Variants in SDK1 observed in about 807,000 individuals in gnomAD.
The protein encoded by SDK1 is protein sidekick-1.
Under a neutral mutation model 245.5 loss-of-function variants are expected in SDK1, and 157 were observed. The ratio of observed to expected loss-of-function variants is 0.64; its 90% confidence interval spans 0.56 to 0.73. The LOEUF (loss-of-function observed/expected upper bound fraction) is 0.73, where lower values mean the gene tolerates loss of function less well. Ranked by LOEUF, SDK1 falls within the 30% of genes least tolerant of loss-of-function variation. The probability of loss-of-function intolerance (pLI) is 0.00; values close to 1 mark genes in which losing one functional copy is unlikely to be tolerated. For missense variants in SDK1, 3,583 were observed against 3,002.3 expected (o/e 1.19, Z -4.52); for synonymous variants, 1,647 against 1,278.5 (o/e 1.29, Z -6.15).
At chr7:3,894,063 C>T (rs1276603952) in intron 5 of SDK1, among the ~76,000 whole-genome samples, 2 of 152,154 alleles carry the variant, frequency 1.3e-5, no homozygotes, top group Admixed American at 6.5e-5. Flanking sequence ...TCCCGAGATT[C>T]CCCATTCTAA....
At chr7:3,952,299 C>G (rs1780898431) in intron 7 of SDK1, among the ~76,000 whole-genome samples, 1 of 152,178 alleles carries the variant, frequency 6.6e-6, no homozygotes, top group Non-Finnish European at 1.5e-5. Flanking sequence ...TTATTGCTGT[C>G]CAGGCATGGT....
chr7:3,609,661 A>G (rs978716121), intron 1 of SDK1, among the ~76,000 whole-genome samples: 1 of 151,862 alleles, frequency 6.6e-6, no homozygotes, highest in Admixed American at 6.6e-5. Flanking sequence ...CAGCCTCCCA[A>G]AGTGCTGGGA....
At chr7:3,456,967 G>T (rs1157108161) in intron 1 of SDK1, among the ~76,000 whole-genome samples, 1 of 152,140 alleles carries the variant, frequency 6.6e-6, no homozygotes, top group Non-Finnish European at 1.5e-5. Flanking sequence ...ATCTGCTGCC[G>T]ATAGGACTCC....
At chr7:3,779,373 C>T (rs935853397) in intron 4 of SDK1, among the ~76,000 whole-genome samples, 7 of 151,754 alleles carry the variant, frequency 4.6e-5, no homozygotes, top group Admixed American at 3.3e-4. Context: ...AGAATGACAA[C>T]GTATTCTGAG....
At chr7:3,699,267 G>A (rs936730833) in intron 4 of SDK1, among the ~76,000 whole-genome samples, 1 of 152,106 alleles carries the variant, frequency 6.6e-6, no homozygotes, top group Non-Finnish European at 1.5e-5. Context: ...CTTGAATGAG[G>A]AAAGACAAGA....
At chr7:3,880,750 C>T (rs1468842641) in intron 5 of SDK1, among the ~76,000 whole-genome samples, 1 of 152,032 alleles carries the variant, frequency 6.6e-6, no homozygotes, top group Non-Finnish European at 1.5e-5. Context: ...AAAGACAAAC[C>T]AGACGGGCTG....
intron 19 of SDK1, among the ~76,000 whole-genome samples, chr7:4,059,992 G>A (rs1481391197): frequency 6.6e-6 from 1 of 151,152 alleles, no homozygotes; most frequent in Non-Finnish European, 1.5e-5. Context: ...CCATTGTCCT[G>A]CTTCAGCCTC....
chr7:4,053,056 C>G (rs562963178), intron 19 of SDK1, among the ~76,000 whole-genome samples: 1 of 144,100 alleles, frequency 6.9e-6, no homozygotes, highest in East Asian at 2.0e-4. Flanking sequence ...CACTGCACTC[C>G]AGCCTGGGTG....
intron 4 of SDK1, among the ~76,000 whole-genome samples, chr7:3,794,987 C>T (rs947622881): frequency 6.6e-6 from 1 of 151,956 alleles, no homozygotes; most frequent in Non-Finnish European, 1.5e-5. Context: ...GTATTAAGGA[C>T]GAACTCTGTG....
At chr7:3,646,914 G>C (rs1361924723) in intron 4 of SDK1, among the ~76,000 whole-genome samples, 1 of 152,186 alleles carries the variant, frequency 6.6e-6, no homozygotes, top group Non-Finnish European at 1.5e-5. Flanking sequence ...AATTCATAGA[G>C]ACAGAAAGCA....
At chr7:3,668,972 G>C (rs757774985) in intron 4 of SDK1, among the ~76,000 whole-genome samples, 13 of 152,170 alleles carry the variant, frequency 8.5e-5, no homozygotes, top group South Asian at 2.1e-4. Flanking sequence ...AGCATGTCTG[G>C]TAAGGAATGT....
chr7:3,642,960 A>G lies in SDK1; in HGVS notation c.713+855A>G, dbSNP rs143397550. 5.9e-5 allele frequency: 9 copies of G among 152,342 alleles called. No homozygotes were observed. The East Asian group carries it at 1.7e-3, about 29-fold the overall frequency. The allele number at this position is 152,342 out of a possible 1,614,324, so 9.4% of individuals were successfully genotyped here. On this transcript the variant is annotated intron_variant, in intron 4 of 44. Coordinates refer to ENST00000404826, the MANE Select transcript of SDK1 (RefSeq NM_152744.4). Reference sequence around the variant, plus strand: ...CAAATACTATTGTTGTGCTTTTTCAAAAAGAATATGTGTGAGGTCATTTGC... The same window carrying G: ...CAAATACTATTGTTGTGCTTTTTCAGAAAGAATATGTGTGAGGTCATTTGC...
chr7:3,580,953 G>T (rs569109021), intron 1 of SDK1, among the ~76,000 whole-genome samples: 2 of 118,876 alleles, frequency 1.7e-5, no homozygotes, highest in Non-Finnish European at 3.2e-5. Context: ...TAGGTTATAG[G>T]GCAAGACTCC....
chr7:4,247,974 C>T (rs1418902194), intron 44 of SDK1, among the ~76,000 whole-genome samples: 1 of 152,160 alleles, frequency 6.6e-6, no homozygotes, highest in Non-Finnish European at 1.5e-5. Flanking sequence ...AGGATTGGAT[C>T]TGTGAACTCT....
intron 4 of SDK1, among the ~76,000 whole-genome samples, chr7:3,788,602 T>A (rs755518365): frequency 1.3e-5 from 2 of 152,150 alleles, no homozygotes; most frequent in African/African-American, 4.8e-5. Flanking sequence ...CTGGGCCACG[T>A]TGGAAAAAGA....
At chr7:3,951,055 G>C in intron 6 of SDK1, 21 bp downstream of exon 6, 3 of 1,504,114 alleles carry the variant, frequency 2.0e-6, no homozygotes, top group Non-Finnish European at 2.8e-6. Flanking sequence ...CGTCTCCTGT[G>C]AGACTCCTAG....
intron 1 of SDK1, among the ~76,000 whole-genome samples, chr7:3,501,508 A>G (rs1317645068): frequency 1.3e-5 from 2 of 152,128 alleles, no homozygotes; most frequent in African/African-American, 4.8e-5. Flanking sequence ...ATGACCCAGG[A>G]GCATGTTTTT....
intron 30 of SDK1, 95 bp from the exon 31 acceptor site, chr7:4,158,353 G>A (rs1425635600): frequency 2.7e-5 from 26 of 959,466 alleles, no homozygotes; most frequent in Non-Finnish European, 3.7e-5. Flanking sequence ...GGGCAGGGGA[G>A]GGATTTGCCC....
intron 5 of SDK1, among the ~76,000 whole-genome samples, chr7:3,860,776 G>T (rs1003997176): frequency 6.6e-6 from 1 of 151,972 alleles, no homozygotes; most frequent in South Asian, 2.1e-4. Flanking sequence ...TGATAATGCC[G>T]CACCTGACAC....
Sources: allele counts gnomAD v4.1 joint callset (sites outside exome capture counted in the v4.1 genomes callset), GRCh38; gene constraint gnomAD v4.1.1; transcripts MANE v1.5; gene names NCBI Gene and HGNC (gene_info 2026-07-23, HGNC 2026-07-21).